Variants in PVT1 observed in about 807,000 individuals in gnomAD.
PVT1 encodes the protein CXCR4/PVT1 fusion.
intron 3 of PVT1, among the ~76,000 whole-genome samples, chr8:127,910,826 C>A (rs1046860878): frequency 6.6e-6 from 1 of 151,930 alleles, no homozygotes; most frequent in African/African-American, 2.4e-5. Flanking sequence ...GGTGTTCCAG[C>A]CCCAACAGTC....
intron 2 of PVT1, among the ~76,000 whole-genome samples, chr8:127,856,030 G>T (rs988004997): frequency 6.6e-6 from 1 of 152,202 alleles, no homozygotes. Flanking sequence ...AGAGAGATGA[G>T]AAATATTTCT....
intron 4 of PVT1, among the ~76,000 whole-genome samples, chr8:128,000,649 C>T (rs1411633115): frequency 6.6e-6 from 1 of 152,206 alleles, no homozygotes; most frequent in Non-Finnish European, 1.5e-5. Flanking sequence ...TTCCCATTTG[C>T]CTCCTGTGCC....
intron 2 of PVT1, among the ~76,000 whole-genome samples, chr8:127,807,854 G>A (rs1473853583): frequency 2.0e-5 from 3 of 148,614 alleles, no homozygotes; most frequent in Non-Finnish European, 3.0e-5. Flanking sequence ...CGCAAGCTCC[G>A]CCTCCCAGGT....
At chr8:127,857,955 G>C (rs1348140182) in intron 2 of PVT1, among the ~76,000 whole-genome samples, 1 of 152,216 alleles carries the variant, frequency 6.6e-6, no homozygotes, top group Non-Finnish European at 1.5e-5. Context: ...GGGTTGAGAA[G>C]AGAGGAAATG....
At chr8:128,017,385 A>G (rs1330131115) in intron 4 of PVT1, among the ~76,000 whole-genome samples, 1 of 152,156 alleles carries the variant, frequency 6.6e-6, no homozygotes, top group Non-Finnish European at 1.5e-5. Context: ...CCGGTTCCTG[A>G]GACATGAAGA....
At chr8:127,827,982 C>A (rs1047366427) in intron 2 of PVT1, among the ~76,000 whole-genome samples, 3 of 152,158 alleles carry the variant, frequency 2.0e-5, no homozygotes, top group African/African-American at 7.2e-5. Context: ...TTTTTTTCTA[C>A]CCAGCGACCA....
intron 5 of PVT1, among the ~76,000 whole-genome samples, chr8:128,092,749 A>C (rs867440884): frequency 6.6e-6 from 1 of 152,266 alleles, no homozygotes. Flanking sequence ...CTCACCCTGC[A>C]TTCCCAATCC....
At chr8:127,861,417 T>G (rs1164716176) in intron 2 of PVT1, among the ~76,000 whole-genome samples, 1 of 152,194 alleles carries the variant, frequency 6.6e-6, no homozygotes, top group Non-Finnish European at 1.5e-5. Context: ...GAGACCAGCC[T>G]GGCCAACATG....
intron 3 of PVT1, among the ~76,000 whole-genome samples, chr8:127,979,521 G>A (rs1158576545): frequency 6.6e-6 from 1 of 152,214 alleles, no homozygotes; most frequent in Non-Finnish European, 1.5e-5. Flanking sequence ...TTAGCAAGTA[G>A]GATGTTTATT....
chr8:128,000,868 A>G (rs1312595932), intron 4 of PVT1, among the ~76,000 whole-genome samples: 2 of 152,132 alleles, frequency 1.3e-5, no homozygotes, highest in African/African-American at 4.8e-5. Context: ...AGCAGATCCC[A>G]TCACCAAAGG....
chr8:127,960,127 C>G (rs1344912553), intron 3 of PVT1, among the ~76,000 whole-genome samples: 2 of 152,164 alleles, frequency 1.3e-5, no homozygotes, highest in African/African-American at 4.8e-5. Context: ...TAGAAGGGAT[C>G]GGCTTAGGCA....
At chr8:127,802,623 C>A (rs546383368) in intron 2 of PVT1, among the ~76,000 whole-genome samples, 1 of 152,156 alleles carries the variant, frequency 6.6e-6, no homozygotes, top group African/African-American at 2.4e-5. Flanking sequence ...TTTTTTCTAA[C>A]TTTATGGCTA....
At chr8:127,882,632 C>T (rs546878221) in intron 2 of PVT1, among the ~76,000 whole-genome samples, 3 of 152,134 alleles carry the variant, frequency 2.0e-5, no homozygotes, top group African/African-American at 4.8e-5. Flanking sequence ...TACAGGTGCC[C>T]GCCACCACGC....
intron 3 of PVT1, among the ~76,000 whole-genome samples, chr8:127,962,216 T>C (rs565483289): frequency 6.6e-6 from 1 of 152,262 alleles, no homozygotes; most frequent in South Asian, 2.1e-4. Context: ...CCACCTGCCT[T>C]GGCCTCCCAA....
intron 2 of PVT1, among the ~76,000 whole-genome samples, chr8:127,837,836 A>G (rs2129709785): frequency 6.6e-6 from 1 of 151,428 alleles, no homozygotes; most frequent in Non-Finnish European, 1.5e-5. Flanking sequence ...TGCTTCCTTG[A>G]CTTAGATTTT....
intron 2 of PVT1, among the ~76,000 whole-genome samples, chr8:127,857,093 G>T (rs748588008): frequency 6.6e-6 from 1 of 152,132 alleles, no homozygotes; most frequent in East Asian, 1.9e-4. Context: ...GAGCGTGGTG[G>T]CAGGCACCTG....
At chr8:127,952,224 G>C (rs1816514314) in intron 3 of PVT1, among the ~76,000 whole-genome samples, 1 of 152,200 alleles carries the variant, frequency 6.6e-6, no homozygotes, top group Non-Finnish European at 1.5e-5. Flanking sequence ...CAGATCTTGG[G>C]CCTTTGCCAC....
intron 2 of PVT1, among the ~76,000 whole-genome samples, chr8:127,849,902 TGTGTGTGCTCCTGCGTGC>T (rs1815087892): frequency 1.4e-5 from 2 of 138,520 alleles, no homozygotes; most frequent in East Asian, 2.1e-4. Context: ...TACATATGTG[TGTGTGTGCTCCTGCGTGC>T]ACGTGCGTGG....
intron 3 of PVT1, among the ~76,000 whole-genome samples, chr8:127,970,289 GTTTTTTTTTTT>G (rs68010926): frequency 8.1e-5 from 4 of 49,120 alleles, no homozygotes; most frequent in East Asian, 7.1e-4. Flanking sequence ...GCCATGATTT[GTTTTTTTTTTT>G]TTTTTTTTTT....
Sources: allele counts gnomAD v4.1 joint callset (sites outside exome capture counted in the v4.1 genomes callset), GRCh38; gene constraint gnomAD v4.1.1; transcripts MANE v1.5; gene names NCBI Gene and HGNC (gene_info 2026-07-23, HGNC 2026-07-21).